The following MCC variants were observed in gnomAD, a reference collection of about 807,000 sequenced individuals.
MCC encodes MCC regulator of Wnt signaling pathway, also known as colorectal mutant cancer protein.
A neutral mutation model predicts 116.2 loss-of-function variants in MCC; 90 were observed. The observed-to-expected ratio is 0.77, with a 90% CI of 0.65 to 0.92. The LOEUF is 0.92. MCC is among the 40% of genes least tolerant of loss of function. MCC has a pLI of 0.00. For synonymous variants in MCC, 578 were observed against 510.5 expected (o/e 1.13, Z -1.78); for missense variants, 1,516 against 1,312.2 (o/e 1.16, Z -2.40).
chr5:113,251,509 T>G (rs1764803668), intron 3 of MCC, among the ~76,000 whole-genome samples: 1 of 152,126 alleles, frequency 6.6e-6, no homozygotes, highest in South Asian at 2.1e-4. Flanking sequence ...ACTAAATGAT[T>G]CAGGAGGGCA....
At chr5:113,409,360 T>TC (rs1769917728) in intron 1 of MCC, among the ~76,000 whole-genome samples, 1 of 146,748 alleles carries the variant, frequency 6.8e-6, no homozygotes, top group African/African-American at 2.5e-5. Context: ...TGTTAAATAC[T>TC]TTTTTTTTTT....
Position 113,265,899 on chromosome 5 carries a change from A to T in MCC, c.627+74620T>A, listed in dbSNP as rs570626915. 2.6e-5 allele frequency among the ~76,000 whole-genome samples: 4 copies of T among 152,224 alleles called. No individual in the cohort carries two copies. The East Asian group carries it at 7.7e-4, about 29-fold the overall frequency. On this transcript the variant is annotated intron_variant, in intron 3 of 18. Coordinates refer to ENST00000408903, the MANE Select transcript of MCC (RefSeq NM_001085377.2). ...GTAAATGGAATGCAGGGCAATCCCT[A>T]GAAAATGAGAAGGGAGAGATCTGAA...
At chr5:113,131,078 C>T (rs1398136359) in intron 5 of MCC, among the ~76,000 whole-genome samples, 1 of 152,096 alleles carries the variant, frequency 6.6e-6, no homozygotes, top group Non-Finnish European at 1.5e-5. Flanking sequence ...CTGTTGGAGT[C>T]AGATGCCACA....
At chr5:113,471,964 G>T (rs370832114) in intron 1 of MCC, among the ~76,000 whole-genome samples, 36 of 152,246 alleles carry the variant, frequency 2.4e-4, no homozygotes, top group South Asian at 6.2e-4. Context: ...CTTCGAGCCA[G>T]GTGAGGGATA....
At chr5:113,055,165 G>A (rs557245677) in intron 14 of MCC, among the ~76,000 whole-genome samples, 7 of 152,308 alleles carry the variant, frequency 4.6e-5, no homozygotes, top group African/African-American at 1.2e-4. Context: ...GTGGTCAGCC[G>A]AGTCATGCGA....
intron 1 of MCC, among the ~76,000 whole-genome samples, chr5:113,459,000 T>A (rs191809979): frequency 6.6e-6 from 1 of 152,112 alleles, no homozygotes; most frequent in African/African-American, 2.4e-5. Flanking sequence ...ACATCAAACA[T>A]CCCTAACCTT....
intron 3 of MCC, among the ~76,000 whole-genome samples, chr5:113,226,864 T>C (rs1302608512): frequency 6.6e-6 from 1 of 152,240 alleles, no homozygotes; most frequent in Non-Finnish European, 1.5e-5. Context: ...GTTCAAACTC[T>C]GTTTCTGCTA....
chr5:113,168,713 G>A (rs1012819201), intron 3 of MCC, among the ~76,000 whole-genome samples: 1 of 151,998 alleles, frequency 6.6e-6, no homozygotes, highest in African/African-American at 2.4e-5. Context: ...TGCCATGTCT[G>A]TTTTTTTAAT....
At chr5:113,071,282 G>A in intron 11 of MCC, 48 bp from the exon 12 acceptor site, 1 of 1,588,840 alleles carries the variant, frequency 6.3e-7, no homozygotes, top group Non-Finnish European at 8.6e-7. Context: ...CAGTTAATTT[G>A]CCAATATTTC....
chr5:113,356,058 G>T (rs1041986172), intron 2 of MCC, among the ~76,000 whole-genome samples: 5 of 84,534 alleles, frequency 5.9e-5, no homozygotes, highest in African/African-American at 9.2e-5. Context: ...TGACAGGCAA[G>T]GTGTATTTTT....
intron 2 of MCC, among the ~76,000 whole-genome samples, chr5:113,375,265 G>A (rs1256563440): frequency 6.6e-6 from 1 of 151,690 alleles, no homozygotes; most frequent in Non-Finnish European, 1.5e-5. Context: ...AGTCTTCTCT[G>A]GTTTCTGACA....
At chr5:113,368,249 CT>C (rs1418483177) in intron 2 of MCC, among the ~76,000 whole-genome samples, 2 of 150,834 alleles carry the variant, frequency 1.3e-5, no homozygotes, top group East Asian at 1.9e-4. Context: ...GATTTCCTCT[CT>C]GAAAATTTGA....
intron 3 of MCC, among the ~76,000 whole-genome samples, chr5:113,192,160 A>G (rs561902616): frequency 1.0e-3 from 156 of 152,244 alleles, no homozygotes; most frequent in Non-Finnish European, 2.0e-3. Context: ...TCACCATGGC[A>G]CCCACCCACC....
intron 3 of MCC, among the ~76,000 whole-genome samples, chr5:113,245,290 CA>C (rs560902639): frequency 0.1 from 9,150 of 90,818 alleles, 530 homozygotes; most frequent in African/African-American, 0.23. Context: ...AACTCCATCT[CA>C]AAAAAAAAAA....
At chr5:113,454,217 G>A (rs560901242) in intron 1 of MCC, among the ~76,000 whole-genome samples, 32 of 152,202 alleles carry the variant, frequency 2.1e-4, no homozygotes, top group African/African-American at 2.4e-4. Context: ...TGATCCTCCC[G>A]TCTCAGCCTC....
At chr5:113,171,559 T>C (rs937914239) in intron 3 of MCC, among the ~76,000 whole-genome samples, 2 of 152,100 alleles carry the variant, frequency 1.3e-5, no homozygotes, top group African/African-American at 4.8e-5. Context: ...TTCACCATGT[T>C]GCCCAGGCTG....
At chr5:113,386,559 C>T (rs980062728) in intron 1 of MCC, among the ~76,000 whole-genome samples, 6 of 151,954 alleles carry the variant, frequency 3.9e-5, no homozygotes, top group African/African-American at 9.7e-5. Context: ...TTTATACTTG[C>T]TCTTTATGGT....
At chr5:113,064,301 G>A (rs1035028401) in intron 13 of MCC, 134 bp from the exon 14 acceptor site, 13 of 748,886 alleles carry the variant, frequency 1.7e-5, no homozygotes, top group Admixed American at 1.1e-4. Context: ...GTGCCCAGCC[G>A]AAGAGAAGAT....
At chr5:113,338,187 A>C (rs1767916285) in intron 3 of MCC, among the ~76,000 whole-genome samples, 1 of 152,260 alleles carries the variant, frequency 6.6e-6, no homozygotes, top group African/African-American at 2.4e-5. Context: ...ATAGGACTTC[A>C]GTGCCTGCAT....
Sources: gnomAD v4.1 joint callset for allele counts (sites outside exome capture counted in the v4.1 genomes callset) on GRCh38, gnomAD v4.1.1 for gene constraint, MANE v1.5 for transcripts, NCBI Gene and HGNC (gene_info 2026-07-23, HGNC 2026-07-21) for gene names.